The following ARHGAP22 variants were observed in gnomAD, a reference collection of about 807,000 sequenced individuals.
ARHGAP22 encodes Rho GTPase activating protein 22.
ARHGAP22 carries 48 observed loss-of-function variants against 59.1 expected under a neutral mutation model. The observed-to-expected ratio is 0.81, with a 90% confidence interval of 0.64 to 1.03. The LOEUF (loss-of-function observed/expected upper bound fraction) is 1.03. ARHGAP22 is among the 50% of genes least tolerant of loss of function. The probability of loss-of-function intolerance (pLI) is 0.00; values close to 1 mark genes in which losing one functional copy is unlikely to be tolerated. For synonymous variants in ARHGAP22, 445 were observed against 416.4 expected (o/e 1.07, Z -0.84); for missense variants, 1,015 against 958.7 (o/e 1.06, Z -0.78).
At position 48,499,105 on chromosome 10, in the gene ARHGAP22, AG is replaced by A. The variant is rs559348403; in HGVS notation, c.323-19342del. Among the ~76,000 whole-genome samples the A allele has an allele frequency of 5.3e-3, 812 of 152,352 alleles. 7 individuals are homozygous for A. Among genetic ancestry groups the A allele is most frequent in the African/African-American group, 0.018 (769 of 41,582 alleles). Reference sequence around the variant, plus strand: ...AATAGTCCAAAGCGGGTGAAGGGGCAGGGGGAGGCCATGTCCTCATTGACAG... The same window carrying A: ...AATAGTCCAAAGCGGGTGAAGGGGCAGGGGAGGCCATGTCCTCATTGACAG... On this transcript the variant is annotated intron_variant, in intron 3 of 9. Transcript: ENST00000249601.
downstream of ARHGAP22, among the ~76,000 whole-genome samples, chr10:48,442,924 G>A (rs2133463067): frequency 6.6e-6 from 1 of 152,308 alleles, no homozygotes; most frequent in East Asian, 1.9e-4. Flanking sequence ...ATAGCATAGA[G>A]ATTTAGCTGT....
intron 3 of ARHGAP22, among the ~76,000 whole-genome samples, chr10:48,552,009 C>T (rs902413689): frequency 1.3e-5 from 2 of 152,140 alleles, no homozygotes; most frequent in African/African-American, 2.4e-5. Flanking sequence ...ACTTTCTGGC[C>T]CAGAACTGGC....
At chr10:48,519,009 A>C (rs1313473456) in intron 3 of ARHGAP22, among the ~76,000 whole-genome samples, 1 of 152,208 alleles carries the variant, frequency 6.6e-6, no homozygotes, top group Non-Finnish European at 1.5e-5. Context: ...TGAGCCAGGA[A>C]AGTGACTAAA....
At chr10:48,552,581 C>T (rs2056986189) in intron 3 of ARHGAP22, among the ~76,000 whole-genome samples, 1 of 152,230 alleles carries the variant, frequency 6.6e-6, no homozygotes, top group Non-Finnish European at 1.5e-5. Context: ...TGCTCCTGCC[C>T]CCAGGTAACT....
At chr10:48,454,841 A>G (rs11101327) in intron 6 of ARHGAP22, among the ~76,000 whole-genome samples, 161 bp downstream of exon 6, 126,261 of 144,764 alleles carry the variant, frequency 0.87, 55,199 homozygotes, top group East Asian at 0.97. Context: ...TCCCCCACCC[A>G]AGCAGGATGC....
At chr10:48,564,682 G>A (rs973636024) in intron 2 of ARHGAP22, among the ~76,000 whole-genome samples, 2 of 152,198 alleles carry the variant, frequency 1.3e-5, no homozygotes, top group Non-Finnish European at 1.5e-5. Context: ...AGGCCAGCCT[G>A]CACAGTGTTT....
intron 1 of ARHGAP22, among the ~76,000 whole-genome samples, chr10:48,643,105 A>T (rs2062123922): frequency 6.6e-6 from 1 of 152,234 alleles, no homozygotes; most frequent in Admixed American, 6.5e-5. Flanking sequence ...GCTGGAGAGG[A>T]TGTGGAGAAA....
At chr10:48,559,665 A>G (rs1258589873) in intron 2 of ARHGAP22, among the ~76,000 whole-genome samples, 1 of 152,154 alleles carries the variant, frequency 6.6e-6, no homozygotes, top group Non-Finnish European at 1.5e-5. Context: ...TTTATTGACC[A>G]TTTGTATTTC....
At chr10:48,431,834 G>A in the ARHGAP22 span, among the ~76,000 whole-genome samples, 1 of 152,116 alleles carries the variant, frequency 6.6e-6, no homozygotes, top group Non-Finnish European at 1.5e-5. Flanking sequence ...AGAATAGAGG[G>A]GAAAAGTTAA....
At chr10:48,650,517 T>A (rs561031924) in intron 1 of ARHGAP22, among the ~76,000 whole-genome samples, 2 of 152,360 alleles carry the variant, frequency 1.3e-5, no homozygotes, top group South Asian at 4.1e-4. Context: ...CATGAATGTA[T>A]GAATTGCCAC....
intron 1 of ARHGAP22, among the ~76,000 whole-genome samples, chr10:48,591,694 C>T (rs185066058): frequency 5.9e-5 from 9 of 152,088 alleles, no homozygotes; most frequent in Non-Finnish European, 1.0e-4. Context: ...GGCAACATGG[C>T]GAAACCTCAT....
chr10:48,452,163 G>A (rs910578895), intron 8 of ARHGAP22, among the ~76,000 whole-genome samples: 7 of 152,142 alleles, frequency 4.6e-5, no homozygotes, highest in Non-Finnish European at 7.4e-5. Context: ...TGGTGGGGTG[G>A]GGGCCTGCAG....
intron 4 of ARHGAP22, among the ~76,000 whole-genome samples, chr10:48,474,133 T>C (rs1479165456): frequency 4.6e-5 from 7 of 152,234 alleles, no homozygotes; most frequent in Non-Finnish European, 8.8e-5. Context: ...CTTTCAGCAA[T>C]GCTTTGTTAT....
chr10:48,490,202 T>G (rs751872225), intron 3 of ARHGAP22, among the ~76,000 whole-genome samples: 6 of 152,178 alleles, frequency 3.9e-5, no homozygotes, highest in Non-Finnish European at 7.4e-5. Context: ...GGACAGCCCC[T>G]TAGCTTAGTC....
At position 48,479,064 on chromosome 10, in the gene ARHGAP22, G is replaced by A. The variant is rs141222236; in HGVS notation, c.451+572C>T. ...TTACCTCAGGCCCTCCCACTCGCCTGGTCTTCACTCCCTCGGGGCCCCGGC... is the reference window on the plus strand; with the variant it reads ...TTACCTCAGGCCCTCCCACTCGCCTAGTCTTCACTCCCTCGGGGCCCCGGC... On this transcript the variant is annotated intron_variant, in intron 4 of 9. Transcript: ENST00000249601. 13 of 154,170 alleles carry A rather than the reference G, an allele frequency of 8.4e-5. No homozygotes were observed. The South Asian group carries it at 2.2e-3, about 26-fold the overall frequency. The allele number at this position is 154,170 out of a possible 1,614,324, so 9.6% of individuals were successfully genotyped here. A position where few individuals can be genotyped will look rare whatever the true frequency, so the allele number is the denominator to read the frequency against.
chr10:48,482,020 T>C (rs2134105986), intron 3 of ARHGAP22, among the ~76,000 whole-genome samples: 1 of 152,358 alleles, frequency 6.6e-6, no homozygotes, highest in South Asian at 2.1e-4. Flanking sequence ...CTTTACCAGA[T>C]ATTTGCTTTG....
chr10:48,603,089 T>C (rs1262571848), intron 1 of ARHGAP22, among the ~76,000 whole-genome samples: 1 of 152,226 alleles, frequency 6.6e-6, no homozygotes, highest in African/African-American at 2.4e-5. Flanking sequence ...GCTGTATGGC[T>C]GGCCTATACG....
chr10:48,586,794 C>T (rs949964487), intron 1 of ARHGAP22, among the ~76,000 whole-genome samples: 8 of 152,186 alleles, frequency 5.3e-5, no homozygotes, highest in African/African-American at 1.7e-4. Context: ...TTGTATGAGA[C>T]GTCTGCTCGC....
intron 1 of ARHGAP22, among the ~76,000 whole-genome samples, chr10:48,619,648 T>C (rs2061214279): frequency 6.6e-6 from 1 of 152,166 alleles, no homozygotes; most frequent in East Asian, 1.9e-4. Context: ...GTGATCTATG[T>C]GCAGATAAAT....
Sources: gnomAD v4.1 joint callset for allele counts (sites outside exome capture counted in the v4.1 genomes callset) on GRCh38, gnomAD v4.1.1 for gene constraint, MANE v1.5 for transcripts, NCBI Gene and HGNC (gene_info 2026-07-23, HGNC 2026-07-21) for gene names.